Variants in SRSF3 observed in about 807,000 individuals in gnomAD.
SRSF3 encodes serine/arginine-rich splicing factor 3.
For missense variants in SRSF3, 58 were observed against 217.1 expected (o/e 0.27, Z 4.61); for synonymous variants, 87 against 73.6 (o/e 1.18, Z -0.93).
Position 36,604,842 on chromosome 6 carries a change from T to C in SRSF3, c.*2853T>C, listed in dbSNP as rs1778785310. The C allele has an allele frequency of 3.9e-5, 6 of 152,212 alleles. No individual in the cohort carries two copies. The highest frequency in any genetic ancestry group is 3.9e-4 in the Admixed American group (6 of 15,278). 9.4% of individuals were successfully genotyped at this position (152,212 alleles called of 1,614,324 possible). A position where few individuals can be genotyped will look rare whatever the true frequency, so the allele number is the denominator to read the frequency against. ...ATTTTGAGGAGTTCTACATGATAAATACCCTTGGTGATGTGAGAACCACTA... is the reference window on the plus strand; with the variant it reads ...ATTTTGAGGAGTTCTACATGATAAACACCCTTGGTGATGTGAGAACCACTA... On this transcript the variant is annotated 3_prime_UTR_variant, in exon 6 of 6. Transcript: ENST00000373715.
At chr6:36,596,580 GGGGGA>G (rs1176082647) in intron 1 of SRSF3, among the ~76,000 whole-genome samples, 176 bp from the exon 2 acceptor site, 2 of 144,086 alleles carry the variant, frequency 1.4e-5, no homozygotes, top group Non-Finnish European at 3.0e-5. Flanking sequence ...GTGGCGGGGG[GGGGGA>G]AATGGGTGCT....
rs1382974872 is a variant in SRSF3 at position 36,601,951 on chromosome 6, T to C, written c.468-11T>C. ...TAATGTTTTGTTTTCTTTTTTTTTT[T>C]TTTTTTTTAGTCGATCTAGGTCAAA... is the stretch of plus-strand genomic sequence containing the variant. On this transcript the variant is annotated splice_polypyrimidine_tract_variant and intron_variant, in intron 5 of 5. Coordinates refer to ENST00000373715, the MANE Select transcript of SRSF3 (RefSeq NM_003017.5). 1 of 1,576,744 alleles carries C rather than the reference T, an allele frequency of 6.3e-7. No homozygotes were observed.
intron 2 of SRSF3, 47 bp from the exon 3 acceptor site, chr6:36,598,802 T>C: frequency 6.2e-7 from 1 of 1,601,994 alleles, no homozygotes; most frequent in Non-Finnish European, 8.5e-7. Flanking sequence ...TTAATACGCA[T>C]GTCAGAAAGT....
intron 1 of SRSF3, 123 bp downstream of exon 1, chr6:36,594,604 A>C (rs1778593101): frequency 6.6e-6 from 1 of 152,420 alleles, no homozygotes; most frequent in Non-Finnish European, 1.5e-5. Flanking sequence ...GACGTTCAGC[A>C]CGGGGCGGTG....
intron 3 of SRSF3, chr6:36,600,232 G>A (rs1778691259): frequency 1.9e-6 from 2 of 1,055,572 alleles, no homozygotes; most frequent in South Asian, 3.1e-5. Flanking sequence ...CCGTCAGTCC[G>A]GCAGCCTCAC....
Position 36,604,259 on chromosome 6 carries a change from C to T in SRSF3, c.*2270C>T, listed in dbSNP as rs1364180878. On this transcript the variant is annotated 3_prime_UTR_variant, in exon 6 of 6. Coordinates refer to ENST00000373715, the MANE Select transcript of SRSF3 (RefSeq NM_003017.5). ...AGGTGTTCACTAGAAGTCACTGTTA[C>T]TAATACTTGATGACAATGTAAAGAA... 4.6e-6 allele frequency: 1 copy of T among 215,822 alleles called. No homozygotes were observed. The highest frequency in any genetic ancestry group is 9.3e-6 in the Non-Finnish European group (1 of 107,050). The allele number at this position is 215,822 out of a possible 1,614,324, so 13.4% of individuals were successfully genotyped here. A position where few individuals can be genotyped will look rare whatever the true frequency, so the allele number is the denominator to read the frequency against.
At chr6:36,596,009 C>T (rs1287028372) in intron 1 of SRSF3, among the ~76,000 whole-genome samples, 1 of 152,090 alleles carries the variant, frequency 6.6e-6, no homozygotes, top group East Asian at 1.9e-4. Flanking sequence ...ACTGCCACCT[C>T]CGCCTCGCGG....
At chr6:36,596,740 T>C (rs763619153) in intron 1 of SRSF3, 21 bp from the exon 2 acceptor site, 1 of 1,604,560 alleles carries the variant, frequency 6.2e-7, no homozygotes, top group Non-Finnish European at 8.5e-7. Context: ...GAATGAATAT[T>C]TTTGGTATTT....
In SRSF3 at chr6:36,602,420, C is replaced by G; in HGVS notation, c.*431C>G. The G allele has an allele frequency of 4.3e-6, 1 of 232,486 alleles. No homozygotes were observed. The allele number at this position is 232,486 out of a possible 1,614,324, so 14.4% of individuals were successfully genotyped here. A position where few individuals can be genotyped will look rare whatever the true frequency, so the allele number is the denominator to read the frequency against. On this transcript the variant is annotated 3_prime_UTR_variant, in exon 6 of 6. Coordinates refer to ENST00000373715, the MANE Select transcript of SRSF3 (RefSeq NM_003017.5). Reference sequence around the variant, plus strand: ...TAGTTGAACAAGCAGTCTTTAAAAACTGCTGTGAAACACAGGCCATCAGGG... The same window carrying G: ...TAGTTGAACAAGCAGTCTTTAAAAAGTGCTGTGAAACACAGGCCATCAGGG...
chr6:36,601,901 C>A, intron 5 of SRSF3, 61 bp from the exon 6 acceptor site: 3 of 1,583,576 alleles, frequency 1.9e-6, no homozygotes, highest in African/African-American at 2.8e-5. Context: ...CGATATGTCA[C>A]TAAAGTGTCA....
intron 1 of SRSF3, among the ~76,000 whole-genome samples, chr6:36,595,797 A>C (rs541174732): frequency 1.4e-4 from 21 of 152,310 alleles, no homozygotes; most frequent in Non-Finnish European, 2.2e-4. Flanking sequence ...TTTTTAAAAA[A>C]CTGTAAAGTT....
chr6:36,594,919 T>C (rs1778600034), intron 1 of SRSF3, among the ~76,000 whole-genome samples: 1 of 152,210 alleles, frequency 6.6e-6, no homozygotes. Context: ...TTTCAGATTT[T>C]GCAGCCTGAA....
intron 3 of SRSF3, 137 bp from the exon 4 acceptor site, chr6:36,601,015 T>C (rs1362544426): frequency 5.4e-5 from 17 of 316,086 alleles, no homozygotes; most frequent in African/African-American, 3.1e-4. Context: ...TTTTTTTTTT[T>C]TTTTTTTTTT....
Position 36,602,991 on chromosome 6 carries a change from T to C in SRSF3, c.*1002T>C, listed in dbSNP as rs1185330436. ...GAAGCAGTTGGTTACACGATTCTTA[T>C]TTTATAAGAAACAGCTGAGAGGCAC... On this transcript the variant is annotated 3_prime_UTR_variant, in exon 6 of 6. Coordinates refer to ENST00000373715, the MANE Select transcript of SRSF3 (RefSeq NM_003017.5). 2 of 219,846 alleles carry C rather than the reference T, an allele frequency of 9.1e-6. No homozygotes were observed. Among genetic ancestry groups the C allele is most frequent in the African/African-American group, 2.2e-5 (1 of 44,586 alleles). The allele number at this position is 219,846 out of a possible 1,614,324, so 13.6% of individuals were successfully genotyped here.
At chr6:36,596,137 C>T (rs1227201570) in intron 1 of SRSF3, among the ~76,000 whole-genome samples, 1 of 152,146 alleles carries the variant, frequency 6.6e-6, no homozygotes, top group East Asian at 1.9e-4. Context: ...ATTGGCCAGG[C>T]TGGGTCGAAC....
intron 2 of SRSF3, chr6:36,597,283 T>C: frequency 3.0e-6 from 1 of 329,998 alleles, no homozygotes; most frequent in Non-Finnish European, 5.7e-6. Context: ...TTTTTGTATT[T>C]CTAGCAGAGA....
chr6:36,595,589 C>G (rs1041963185), intron 1 of SRSF3, among the ~76,000 whole-genome samples: 2 of 152,176 alleles, frequency 1.3e-5, no homozygotes, highest in African/African-American at 4.8e-5. Context: ...TTTATGGAAT[C>G]GTGTACTTTT....
At position 36,598,839 on chromosome 6, in the gene SRSF3, G is replaced by C. The variant is rs192931206; in HGVS notation, c.207-10G>C. The C allele has an allele frequency of 6.8e-6, 11 of 1,610,130 alleles. No homozygotes were observed. The African/African-American group carries it at 1.1e-4, about 16-fold the overall frequency. On this transcript the variant is annotated splice_polypyrimidine_tract_variant and intron_variant, in intron 2 of 5. Coordinates refer to ENST00000373715, the MANE Select transcript of SRSF3 (RefSeq NM_003017.5). ...AGGCTGTTTTAAGTTTAATATCTTT[G>C]CCCCCTCAGAACACTATGTGGCTGC...
rs761838702 is a variant in SRSF3, at chr6:36,598,918, A to G, written c.276A>G (p.Pro92=). 1 of 1,613,724 alleles carries G rather than the reference A, an allele frequency of 6.2e-7. No homozygotes were observed. Among genetic ancestry groups the G allele is most frequent in the Non-Finnish European group, 8.5e-7 (1 of 1,179,904 alleles). ...AAAAAAGAAGTAGAAATCGTGGCCC[A>G]CCTCCCTCTTGGGGTCGTCGCCCTC... ...NGEKRSRNRG[P]PPSWGRRPRD... is the part of the protein sequence containing the mutation. Residue 92 remains proline (P), a synonymous_variant, in exon 3 of 6, where the codon CCA becomes CCG. Coordinates refer to ENST00000373715, the MANE Select transcript of SRSF3 (RefSeq NM_003017.5).
Sources: gnomAD v4.1 joint callset for allele counts (sites outside exome capture counted in the v4.1 genomes callset) on GRCh38, gnomAD v4.1.1 for gene constraint, MANE v1.5 for transcripts, NCBI Gene and HGNC (gene_info 2026-07-23, HGNC 2026-07-21) for gene names.